Variants in MTRES1 observed in about 807,000 individuals in gnomAD.
MTRES1 encodes the protein mitochondrial transcription rescue factor 1, also known as uncharacterized protein C6orf203.
In MTRES1, 11 loss-of-function variants were observed where a neutral mutation model predicts 17.4. That is an observed-to-expected ratio of 0.63 (90% CI 0.40 to 1.05). MTRES1 has a LOEUF of 1.05. Among genes scored for constraint, MTRES1 ranks in the 50% least tolerant of loss-of-function variants. The pLI, the probability that MTRES1 is intolerant of heterozygous loss-of-function variation, is 0.00. For missense variants in MTRES1, 268 were observed against 276.2 expected (o/e 0.97, Z 0.21); for synonymous variants, 94 against 99.6 (o/e 0.94, Z 0.34).
At position 107,039,913 on chromosome 6, in the gene MTRES1, T is replaced by A. The variant is rs1304934130; in HGVS notation, c.153T>A (p.Arg51=). 7 of 1,613,902 alleles carry A rather than the reference T, an allele frequency of 4.3e-6. No homozygotes were observed. Among genetic ancestry groups the A allele is most frequent in the Non-Finnish European group, 5.9e-6 (7 of 1,179,880 alleles). Residue 51 remains arginine (R), a synonymous_variant, in exon 2 of 4, where the codon CGT becomes CGA. Transcript: ENST00000311381. Reference sequence around the variant, plus strand: ...TGTATTTTTCTAGTACCAAGTTACGTGCACCAAATTATAAAACACTTTTTT... The same window carrying A: ...TGTATTTTTCTAGTACCAAGTTACGAGCACCAAATTATAAAACACTTTTTT... ...RYLYFSSTKL[R]APNYKTLFYN... is the part of the protein sequence containing the mutation.
intron 3 of MTRES1, among the ~76,000 whole-genome samples, chr6:107,049,797 C>T (rs561124822): frequency 4.0e-5 from 6 of 151,668 alleles, no homozygotes; most frequent in African/African-American, 1.5e-4. Flanking sequence ...TCTTGGTTCA[C>T]CGCAACCTCT....
intron 1 of MTRES1, among the ~76,000 whole-genome samples, chr6:107,038,492 T>C (rs1774082791): frequency 6.6e-6 from 1 of 152,202 alleles, no homozygotes; most frequent in African/African-American, 2.4e-5. Flanking sequence ...TGCAGTTCCC[T>C]AGTTTGTGGA....
chr6:107,032,054 G>A (rs1773863958), intron 1 of MTRES1, among the ~76,000 whole-genome samples: 1 of 152,090 alleles, frequency 6.6e-6, no homozygotes, highest in Non-Finnish European at 1.5e-5. Context: ...ATGACCTTTT[G>A]GATTTAGAAA....
Position 107,049,043 on chromosome 6 carries a change from G to A in MTRES1, c.544-2014G>A, listed in dbSNP as rs75739382. 6.8e-3 allele frequency among the ~76,000 whole-genome samples: 1,035 copies of A among 152,200 alleles called. 10 individuals are homozygous for A. Among genetic ancestry groups the A allele is most frequent in the Middle Eastern group, 0.014 (4 of 292 alleles). On this transcript the variant is annotated intron_variant, in intron 3 of 3. Coordinates refer to ENST00000311381, the MANE Select transcript of MTRES1 (RefSeq NM_016487.5). ...GCCAGTATACTGTTGTGGCAAGCAG[G>A]TGCGCATGCCCATGTTGTGGACTGA... is the stretch of plus-strand genomic sequence containing the variant.
At position 107,039,830 on chromosome 6, in the gene MTRES1, G is replaced by C. The variant is rs1465914098; in HGVS notation, c.70G>C (p.Gly24Arg). The C allele has an allele frequency of 1.9e-6, 3 of 1,613,822 alleles. No individual in the cohort carries two copies. Among genetic ancestry groups the C allele is most frequent in the Non-Finnish European group, 2.5e-6 (3 of 1,179,974 alleles). Residue 24 changes from glycine to arginine, a missense_variant, in exon 2 of 4, where the codon GGT (glycine) becomes CGT (arginine). Gly to Arg is a moderately radical substitution (Grantham distance 125, BLOSUM62 -2). Transcript: ENST00000311381. ...RKPDAWIGLW[G>R]VLRGTPSSYK... Reference sequence around the variant, plus strand: ...GCCAGATGCCTGGATTGGACTCTGGGGTGTTCTCCGAGGGACACCTTCATC... The same window carrying C: ...GCCAGATGCCTGGATTGGACTCTGGCGTGTTCTCCGAGGGACACCTTCATC...
chr6:107,048,421 C>A (rs904205903), intron 3 of MTRES1, among the ~76,000 whole-genome samples: 11 of 152,002 alleles, frequency 7.2e-5, no homozygotes, highest in Admixed American at 5.2e-4. Flanking sequence ...TGAGCCACCA[C>A]GCCTGGCCTG....
Position 107,044,277 on chromosome 6 carries a change from T to G in MTRES1, c.488T>G (p.Phe163Cys), listed in dbSNP as rs145091743. Residue 163 changes from phenylalanine to cysteine, a missense_variant, in exon 3 of 4, where the codon TTC (phenylalanine) becomes TGC (cysteine). Phe to Cys is a radical substitution (Grantham distance 205). Transcript: ENST00000311381. ...TTTTGTAGCAAAGTGGAAGATGCTTTCTACAAAGGTGAACTCAGGCTGAAT... is the reference window on the plus strand; with the variant it reads ...TTTTGTAGCAAAGTGGAAGATGCTTGCTACAAAGGTGAACTCAGGCTGAAT... The part of the protein sequence containing the change: ...DIGRNKVEDA[F>C]YKGELRLNEE... The G allele has an allele frequency of 1.2e-6, 2 of 1,613,842 alleles. No homozygotes were observed. Among genetic ancestry groups the G allele is most frequent in the Non-Finnish European group, 1.7e-6 (2 of 1,179,896 alleles).
At chr6:107,049,360 G>A (rs1251437718) in intron 3 of MTRES1, among the ~76,000 whole-genome samples, 1 of 147,716 alleles carries the variant, frequency 6.8e-6, no homozygotes, top group Non-Finnish European at 1.5e-5. Flanking sequence ...CCTGGCTTAT[G>A]TTTTAGTAGA....
At position 107,051,112 on chromosome 6, in the gene MTRES1, C is replaced by CAG. The variant is rs1562288550; in HGVS notation, c.603_604dup (p.Thr202ArgfsTer8). 6 of 1,613,778 alleles carry CAG rather than the reference C, an allele frequency of 3.7e-6. No homozygotes were observed. Among genetic ancestry groups the CAG allele is most frequent in the Non-Finnish European group, 5.1e-6 (6 of 1,179,710 alleles). ...ATTGGAGAGGATAAAGAAGCAGGAACAGAGACAGTTATGCGGATTCTCTTG... is the reference window on the plus strand; with the variant it reads ...ATTGGAGAGGATAAAGAAGCAGGAACAGAGAGACAGTTATGCGGATTCTCTTG... On this transcript the variant is annotated frameshift_variant, in exon 4 of 4. Coordinates refer to ENST00000311381, the MANE Select transcript of MTRES1 (RefSeq NM_016487.5). LOFTEE classifies it high-confidence loss of function.
At chr6:107,029,743 CCA>C in intron 1 of MTRES1, among the ~76,000 whole-genome samples, 3 of 149,576 alleles carry the variant, frequency 2.0e-5, no homozygotes, top group African/African-American at 7.4e-5. Flanking sequence ...CTCAGCCTCC[CCA>C]AGTACTGGAA....
intron 3 of MTRES1, among the ~76,000 whole-genome samples, chr6:107,047,291 C>G (rs1396227048): frequency 6.6e-6 from 1 of 151,874 alleles, no homozygotes; most frequent in Non-Finnish European, 1.5e-5. Flanking sequence ...GGTGCAGCCA[C>G]AGCTCATTGC....
chr6:107,040,340 G>T, intron 2 of MTRES1, 110 bp downstream of exon 2: 1 of 933,966 alleles, frequency 1.1e-6, no homozygotes, highest in Non-Finnish European at 1.5e-6. Flanking sequence ...ACAATAAAAG[G>T]ACCTTTGTAG....
At chr6:107,037,014 A>C (rs1473322068) in intron 1 of MTRES1, among the ~76,000 whole-genome samples, 1 of 152,104 alleles carries the variant, frequency 6.6e-6, no homozygotes, top group Non-Finnish European at 1.5e-5. Flanking sequence ...TCCTGGGCTC[A>C]AGCAGTCCTC....
At chr6:107,043,077 A>T (rs967906593) in intron 2 of MTRES1, among the ~76,000 whole-genome samples, 2 of 152,130 alleles carry the variant, frequency 1.3e-5, no homozygotes, top group East Asian at 3.9e-4. Flanking sequence ...CACGCCTGTA[A>T]TCCCAGCACT....
At position 107,033,695 on chromosome 6, in the gene MTRES1, G is replaced by C. The variant is rs982207184; in HGVS notation, c.-13+5424G>C. 3.9e-4 allele frequency among the ~76,000 whole-genome samples: 60 copies of C among 152,260 alleles called. No individual in the cohort carries two copies. The Middle Eastern group carries it at 0.017, about 43-fold the overall frequency. On this transcript the variant is annotated intron_variant, in intron 1 of 3. Coordinates refer to ENST00000311381, the MANE Select transcript of MTRES1 (RefSeq NM_016487.5). ...TAGCCGGGCGTGGTGGCGGGTGCCT[G>C]TACTCCCAGCTACTTGGGAGGCTGA...
chr6:107,048,917 A>G (rs1481601011), intron 3 of MTRES1, among the ~76,000 whole-genome samples: 1 of 151,328 alleles, frequency 6.6e-6, no homozygotes, highest in East Asian at 2.0e-4. Flanking sequence ...TAGCTGTGGT[A>G]TGAGCCTTTC....
chr6:107,044,619 A>G (rs1197647182), intron 3 of MTRES1, among the ~76,000 whole-genome samples: 3 of 152,160 alleles, frequency 2.0e-5, no homozygotes, highest in African/African-American at 7.2e-5. Context: ...CAGGTCATTA[A>G]TGTTAGCCCT....
In MTRES1 at chr6:107,039,849, C is replaced by T. The variant is rs1554227398; in HGVS notation, c.89C>T (p.Pro30Leu). Residue 30 changes from proline to leucine, a missense_variant, in exon 2 of 4, where the codon CCT (proline) becomes CTT (leucine). Physicochemically the swap from Pro to Leu is moderately conservative, Grantham distance 98 (BLOSUM62 -3). Coordinates refer to ENST00000311381, the MANE Select transcript of MTRES1 (RefSeq NM_016487.5). Reference protein sequence around the residue: ...IGLWGVLRGTPSSYKLCTSWN... With the variant: ...IGLWGVLRGTLSSYKLCTSWN... ...CTCTGGGGTGTTCTCCGAGGGACAC[C>T]TTCATCATACAAACTCTGTACTTCC... 1.2e-6 allele frequency: 2 copies of T among 1,614,090 alleles called. No homozygotes were observed. Among genetic ancestry groups the T allele is most frequent in the Non-Finnish European group, 1.7e-6 (2 of 1,180,018 alleles).
chr6:107,031,385 C>CAAAAAA, intron 1 of MTRES1, among the ~76,000 whole-genome samples: 1 of 97,632 alleles, frequency 1.0e-5, no homozygotes, highest in East Asian at 3.2e-4. Flanking sequence ...GACCCTGTCT[C>CAAAAAA]AAAAAAAAAA....
Sources: allele counts gnomAD v4.1 joint callset (sites outside exome capture counted in the v4.1 genomes callset), GRCh38; gene constraint gnomAD v4.1.1; transcripts MANE v1.5; gene names NCBI Gene and HGNC (gene_info 2026-07-23, HGNC 2026-07-21).